BCL2L14: variants seen among roughly 807,000 people sequenced by gnomAD.
BCL2L14 encodes apoptosis facilitator Bcl-2-like protein 14.
Under a neutral mutation model 35.3 loss-of-function variants are expected in BCL2L14, and 27 were observed. The ratio of observed to expected loss-of-function variants is 0.76; its 90% CI spans 0.56 to 1.05. BCL2L14 has a LOEUF of 1.05. Among genes scored for constraint, BCL2L14 ranks in the 50% least tolerant of loss-of-function variants. The probability of loss-of-function intolerance (pLI) is 0.00; values close to 1 mark genes in which losing one functional copy is unlikely to be tolerated. For synonymous variants in BCL2L14, 139 were observed against 145.9 expected (o/e 0.95, Z 0.34); for missense variants, 377 against 382.6 (o/e 0.99, Z 0.12).
At chr12:12,063,062 C>T (rs1948548448) in intron 2 of BCL2L14, among the ~76,000 whole-genome samples, 1 of 152,150 alleles carries the variant, frequency 6.6e-6, no homozygotes. Context: ...TTTTATTAGG[C>T]CCCAGTCTCA....
At chr12:12,059,800 A>G (rs527422303) in intron 2 of BCL2L14, among the ~76,000 whole-genome samples, 11 of 152,260 alleles carry the variant, frequency 7.2e-5, no homozygotes, top group Non-Finnish European at 1.3e-4. Context: ...CTTGACCCCA[A>G]TACAAACTCC....
At chr12:12,090,652 A>T (rs1030925722) in intron 3 of BCL2L14, 127 bp from the exon 4 acceptor site, 80 of 620,020 alleles carry the variant, frequency 1.3e-4, no homozygotes, top group East Asian at 5.0e-4. Flanking sequence ...AAAATAAAAA[A>T]AAAAAAAAGA....
chr12:12,064,047 G>C (rs1011811015), intron 2 of BCL2L14, among the ~76,000 whole-genome samples: 6 of 152,192 alleles, frequency 3.9e-5, no homozygotes, highest in Admixed American at 1.3e-4. Flanking sequence ...AGCCTGTTTA[G>C]TAGTCTCTTC....
intron 1 of BCL2L14, chr12:12,077,780 A>G (rs1565463559): frequency 9.5e-6 from 2 of 210,886 alleles, no homozygotes; most frequent in Non-Finnish European, 2.0e-5. Context: ...CACAATCTGA[A>G]TTTGGGACTG....
Position 12,087,247 on chromosome 12 carries a change from A to T in BCL2L14, c.468A>T (p.Arg156=). Residue 156 remains arginine (R), a synonymous_variant, in exon 3 of 6, where the codon CGA becomes CGT. Transcript: ENST00000308721. ...VDPKVISIAN[R]VAEIVYSWPP... ...CCAAAGTCATTTCCATTGCCAACCGAGTAGCTGAAATTGTTTACTCCTGGC... is the reference window on the plus strand; with the variant it reads ...CCAAAGTCATTTCCATTGCCAACCGTGTAGCTGAAATTGTTTACTCCTGGC... 1 of 1,614,152 alleles carries T rather than the reference A, an allele frequency of 6.2e-7. No homozygotes were observed. The highest frequency in any genetic ancestry group is 1.7e-5 in the Admixed American group (1 of 60,018).
intron 1 of BCL2L14, among the ~76,000 whole-genome samples, chr12:12,076,651 C>T (rs1413872686): frequency 6.6e-6 from 1 of 152,184 alleles, no homozygotes; most frequent in Non-Finnish European, 1.5e-5. Flanking sequence ...GCATAGCCCG[C>T]TGCATCCCTC....
At chr12:12,093,982 C>T (rs777079285) in intron 4 of BCL2L14, among the ~76,000 whole-genome samples, 1 of 151,490 alleles carries the variant, frequency 6.6e-6, no homozygotes, top group Admixed American at 6.6e-5. Flanking sequence ...TGGCATGCAC[C>T]TGTAGTCCCA....
Position 12,079,675 on chromosome 12 carries a change from G to C in BCL2L14, c.370G>C (p.Asp124His), listed in dbSNP as rs775087173. ...GGGTCAAAGGACGTTGGAATACCAAGATTCGCACAGCCAGCAGTGGTCCAG... is the reference window on the plus strand; with the variant it reads ...GGGTCAAAGGACGTTGGAATACCAACATTCGCACAGCCAGCAGTGGTCCAG... ...AQGQRTLEYQ[D>H]SHSQQWSRCL... is the part of the protein sequence containing the mutation. The change falls in exon 2 of 6, where the codon GAT becomes CAT. Residue 124 changes from aspartate to histidine, a missense_variant. Coordinates refer to ENST00000308721, the MANE Select transcript of BCL2L14 (RefSeq NM_138723.2). The C allele has an allele frequency of 9.9e-6, 16 of 1,614,226 alleles. No homozygotes were observed. Among genetic ancestry groups the C allele is most frequent in the Non-Finnish European group, 1.4e-5 (16 of 1,180,050 alleles).
chr12:12,056,534 A>T (rs886336539), intron 2 of BCL2L14, among the ~76,000 whole-genome samples: 4 of 152,224 alleles, frequency 2.6e-5, no homozygotes, highest in African/African-American at 9.6e-5. Flanking sequence ...CCATTGATTA[A>T]AACACAGTTA....
intron 3 of BCL2L14, among the ~76,000 whole-genome samples, chr12:12,087,918 G>A (rs1320352814): frequency 2.0e-5 from 3 of 152,194 alleles, no homozygotes; most frequent in African/African-American, 7.2e-5. Context: ...ATCCCATCAG[G>A]CTGGTGGTAA....
chr12:12,057,755 TA>T lies in BCL2L14; in HGVS notation c.-272+5923del, dbSNP rs370379966. Among the ~76,000 whole-genome samples the T allele has an allele frequency of 5.1e-3, 617 of 120,226 alleles. 2 individuals carry two copies. Among genetic ancestry groups the T allele is most frequent in the African/African-American group, 7.0e-3 (217 of 30,956 alleles). The allele number at this position is 120,226 out of a possible 152,430, so 78.9% of individuals were successfully genotyped here. A position where few individuals can be genotyped will look rare whatever the true frequency, so the allele number is the denominator to read the frequency against. On this transcript the variant is annotated intron_variant, in intron 2 of 3. Transcript: ENST00000461264. The stretch of plus-strand genomic sequence containing the variant: ...CTGGGCAATAAGAGCAAAACTCCAT[TA>T]AAAAAAAAAAAAAAGAAGTGAAGAA...
At chr12:12,090,009 C>T (rs546929815) in intron 3 of BCL2L14, among the ~76,000 whole-genome samples, 1 of 152,332 alleles carries the variant, frequency 6.6e-6, no homozygotes, top group South Asian at 2.1e-4. Context: ...TGGCTCTATA[C>T]TTTCTAGCAA....
intron 2 of BCL2L14, among the ~76,000 whole-genome samples, chr12:12,085,083 C>CAA (rs11296787): frequency 1.2e-5 from 1 of 85,476 alleles, no homozygotes; most frequent in African/African-American, 4.6e-5. Flanking sequence ...GACTCCGTCT[C>CAA]AAAAAAAAAA....
chr12:12,064,124 A>G (rs1259670038), intron 2 of BCL2L14, among the ~76,000 whole-genome samples: 1 of 152,056 alleles, frequency 6.6e-6, no homozygotes, highest in Non-Finnish European at 1.5e-5. Flanking sequence ...TGCTGGGATT[A>G]CAGGCATGAG....
intron 2 of BCL2L14, among the ~76,000 whole-genome samples, chr12:12,081,597 C>T (rs574564048): frequency 2.0e-5 from 3 of 148,992 alleles, no homozygotes; most frequent in East Asian, 2.0e-4. Flanking sequence ...CTTGCTCTGT[C>T]GCCCAGGCTG....
chr12:12,074,338 G>A (rs1304621747), intron 1 of BCL2L14, among the ~76,000 whole-genome samples: 6 of 152,194 alleles, frequency 3.9e-5, no homozygotes, highest in Non-Finnish European at 5.9e-5. Flanking sequence ...TCTAGGTGCT[G>A]GGGAAGCCAG....
intron 1 of BCL2L14, among the ~76,000 whole-genome samples, chr12:12,079,035 T>A (rs1948848062): frequency 6.6e-6 from 1 of 152,220 alleles, no homozygotes; most frequent in African/African-American, 2.4e-5. Context: ...GACCTCATGA[T>A]CTGCCCGCCT....
intron 5 of BCL2L14, among the ~76,000 whole-genome samples, chr12:12,097,451 T>C (rs1349085487): frequency 1.3e-5 from 2 of 152,234 alleles, no homozygotes; most frequent in East Asian, 3.9e-4. Flanking sequence ...CCATATACTG[T>C]ATGATTCCAT....
chr12:12,053,446 G>A, intron 2 of BCL2L14, among the ~76,000 whole-genome samples: 1 of 145,234 alleles, frequency 6.9e-6, no homozygotes, highest in Non-Finnish European at 1.5e-5. Flanking sequence ...TTGAGACGAA[G>A]TTTCACTCTT....
Sources: gnomAD v4.1 joint callset for allele counts (sites outside exome capture counted in the v4.1 genomes callset) on GRCh38, gnomAD v4.1.1 for gene constraint, MANE v1.5 for transcripts, NCBI Gene and HGNC (gene_info 2026-07-23, HGNC 2026-07-21) for gene names.